Variants in FNDC4 observed in about 807,000 individuals in gnomAD.
FNDC4 encodes the protein fibronectin type III domain containing 4, also known as fibronectin type III domain-containing protein 4.
In FNDC4, 11 loss-of-function variants were observed where a neutral mutation model predicts 25.1. The observed-to-expected ratio is 0.44, with a 90% CI of 0.28 to 0.73. The LOEUF (loss-of-function observed/expected upper bound fraction) is 0.73, where lower values mean the gene tolerates loss of function less well. FNDC4 is among the 30% of genes least tolerant of loss of function. The pLI, the probability that FNDC4 is intolerant of heterozygous loss-of-function variation, is 0.16. For synonymous variants in FNDC4, 136 were observed against 118.8 expected (o/e 1.14, Z -0.94); for missense variants, 250 against 304.3 (o/e 0.82, Z 1.33).
rs758463099 is a variant in FNDC4, at chr2:27,493,985, C to T, written c.399G>A (p.Val133=). 6 of 1,614,130 alleles carry T rather than the reference C, an allele frequency of 3.7e-6. No individual in the cohort carries two copies. The highest frequency in any genetic ancestry group is 2.2e-5 in the South Asian group (2 of 91,094). Residue 133 remains valine (V), a synonymous_variant, in exon 4 of 7, where the codon GTG becomes GTA. Coordinates refer to ENST00000264703, the MANE Select transcript of FNDC4 (RefSeq NM_022823.3). ...LRGESPPGPR[V]HFRTLKGSDR... The stretch of plus-strand genomic sequence containing the variant: ...CAGAACCCTTGAGAGTTCGGAAGTG[C>T]ACCCGGGGCCCTGGGGGACTCTCTC...
chr2:27,494,233 A>T lies in FNDC4; in HGVS notation c.250-99T>A, dbSNP rs528799963. The T allele has an allele frequency of 7.1e-7, 1 of 1,403,932 alleles. No individual in the cohort carries two copies. The highest frequency in any genetic ancestry group is 1.9e-5 in the Admixed American group (1 of 52,444). 87.0% of individuals were successfully genotyped at this position (1,403,932 alleles called of 1,614,324 possible). A position where few individuals can be genotyped will look rare whatever the true frequency, so the allele number is the denominator to read the frequency against. ...CAACATCCAAGCACTCCGGGGGAGT[A>T]GCGTGAAAAGGGCAGCCTGAGCCAG... On this transcript the variant is annotated intron_variant, in intron 3 of 6. Transcript: ENST00000264703. This position sits in a 1 kb window ranked among gnomAD's most constrained non-coding sequence, Gnocchi z 4.6.
chr2:27,492,422 C>T lies in FNDC4; in HGVS notation c.*21G>A. 1.2e-6 allele frequency: 2 copies of T among 1,614,136 alleles called. No individual in the cohort carries two copies. The highest frequency in any genetic ancestry group is 1.7e-6 in the Non-Finnish European group (2 of 1,180,004). ...TATCCCCAGTTGTTAGTGCATCTCT[C>T]TTCTGGGTGTGTTTCTTCACTCAAA... On this transcript the variant is annotated 3_prime_UTR_variant, in exon 7 of 7. Transcript: ENST00000264703. This position sits in a 1 kb window ranked among gnomAD's most constrained non-coding sequence, Gnocchi z 4.1.
Position 27,493,917 on chromosome 2 carries a change from C to T in FNDC4, c.454+13G>A. On this transcript the variant is annotated intron_variant, in intron 4 of 6. Transcript: ENST00000264703. ...GGTAAGCAGCCAGAGAATCCAATAGCACAGATCCTCACCTGGGCTTGAACT... is the reference window on the plus strand; with the variant it reads ...GGTAAGCAGCCAGAGAATCCAATAGTACAGATCCTCACCTGGGCTTGAACT... The T allele has an allele frequency of 1.9e-6, 3 of 1,613,210 alleles. No homozygotes were observed. Among genetic ancestry groups the T allele is most frequent in the Non-Finnish European group, 2.5e-6 (3 of 1,179,132 alleles).
chr2:27,492,546 TC>T lies in FNDC4; in HGVS notation c.670-69del. The T allele has an allele frequency of 6.3e-7, 1 of 1,589,662 alleles. No homozygotes were observed. Among genetic ancestry groups the T allele is most frequent in the Non-Finnish European group, 8.6e-7 (1 of 1,157,844 alleles). On this transcript the variant is annotated intron_variant, in intron 6 of 6. Transcript: ENST00000264703. The surrounding 1 kb of genome is among the most constrained non-coding windows in gnomAD (Gnocchi z 4.1). ...TAGGTGCCACCCTTTCTCTCCAGCC[TC>T]CCCCATCCCAGATCTTCCATTCTCC...
Position 27,494,305 on chromosome 2 carries a change from C to G in FNDC4, c.249+46G>C, listed in dbSNP as rs763367326. ...CCCCCACTTAAGTGAAGAAATGTGC[C>G]GAAATCCAAGGACACAGGTTGGGGG... On this transcript the variant is annotated intron_variant, in intron 3 of 6. Coordinates refer to ENST00000264703, the MANE Select transcript of FNDC4 (RefSeq NM_022823.3). This position sits in a 1 kb window ranked among gnomAD's most constrained non-coding sequence, Gnocchi z 4.6. The G allele has an allele frequency of 7.1e-6, 11 of 1,545,236 alleles. No individual in the cohort carries two copies. In the South Asian group the frequency reaches 9.0e-5, roughly 13 times the overall value.
chr2:27,493,603 G>T, intron 4 of FNDC4, 125 bp from the exon 5 acceptor site: 1 of 852,876 alleles, frequency 1.2e-6, no homozygotes, highest in Non-Finnish European at 1.9e-6. Flanking sequence ...GGAGTGTAGG[G>T]TAGCCCCTCC....
rs1343516509 is a variant in FNDC4, at chr2:27,494,639, C to A, written c.41G>T (p.Arg14Leu). The A allele has an allele frequency of 3.8e-6, 6 of 1,597,448 alleles. No homozygotes were observed. Among genetic ancestry groups the A allele is most frequent in the Non-Finnish European group, 5.1e-6 (6 of 1,173,148 alleles). ...GGGCACCAGCGAAGCCATGTCCCCA[C>A]GGAGTCCGCTGGGGGGGGAACTGTG... ...GCHSSPPSGL[R>L]GDMASLVPLS... The change falls in exon 2 of 7, where the codon CGT becomes CTT. Residue 14 changes from arginine to leucine, a missense_variant. Coordinates refer to ENST00000264703, the MANE Select transcript of FNDC4 (RefSeq NM_022823.3). This position sits in a 1 kb window ranked among gnomAD's most constrained non-coding sequence, Gnocchi z 4.6.
Position 27,494,781 on chromosome 2 carries a change from C to G in FNDC4, c.-24-78G>C, listed in dbSNP as rs1320529928. 40 of 648,854 alleles carry G rather than the reference C, an allele frequency of 6.2e-5. No individual in the cohort carries two copies. The Admixed American group carries it at 1.1e-3, about 18-fold the overall frequency. 40.2% of individuals were successfully genotyped at this position (648,854 alleles called of 1,614,324 possible). ...GTCGGGGGGCAGCAGCTCTCCTGGG[C>G]TCCCCACAGCTCACAACAGCCCTAT... On this transcript the variant is annotated intron_variant, in intron 1 of 6. Coordinates refer to ENST00000264703, the MANE Select transcript of FNDC4 (RefSeq NM_022823.3). This position sits in a 1 kb window ranked among gnomAD's most constrained non-coding sequence, Gnocchi z 4.6.
At position 27,492,361 on chromosome 2, in the gene FNDC4, C is replaced by A. The variant is rs1314837495; in HGVS notation, c.*82G>T. On this transcript the variant is annotated 3_prime_UTR_variant, in exon 7 of 7. Coordinates refer to ENST00000264703, the MANE Select transcript of FNDC4 (RefSeq NM_022823.3). The surrounding 1 kb of genome is among the most constrained non-coding windows in gnomAD (Gnocchi z 4.1). Reference sequence around the variant, plus strand: ...GGCATTACCCTCTGGGAGTCTCGGGCAGATCACCATCTTGGGCTCCCCCTG... The same window carrying A: ...GGCATTACCCTCTGGGAGTCTCGGGAAGATCACCATCTTGGGCTCCCCCTG... 7.7e-6 allele frequency: 12 copies of A among 1,548,592 alleles called. No homozygotes were observed. In the Admixed American group the frequency reaches 2.0e-4, roughly 26 times the overall value.
chr2:27,494,371 C>T lies in FNDC4; in HGVS notation c.229G>A (p.Gly77Ser), dbSNP rs774794833. The T allele has an allele frequency of 6.2e-7, 1 of 1,613,794 alleles. No individual in the cohort carries two copies. The highest frequency in any genetic ancestry group is 1.1e-5 in the South Asian group (1 of 91,076). Residue 77 changes from glycine (G) to serine (S), a missense_variant, in exon 3 of 7, where the codon GGC becomes AGC. Transcript: ENST00000264703. This position sits in a 1 kb window ranked among gnomAD's most constrained non-coding sequence, Gnocchi z 4.6. ...CATACTTGCTGGGAAATGGAGTAGCCAATGACGATGTTGCCTTCTGGGACG... is the reference window on the plus strand; with the variant it reads ...CATACTTGCTGGGAAATGGAGTAGCTAATGACGATGTTGCCTTCTGGGACG... ...WDVPEGNIVI[G>S]YSISQQRQNG...
Position 27,494,012 on chromosome 2 carries a change from C to G in FNDC4, c.372G>C (p.Arg124=). 1 of 1,614,216 alleles carries G rather than the reference C, an allele frequency of 6.2e-7. No individual in the cohort carries two copies. Among genetic ancestry groups the G allele is most frequent in the Non-Finnish European group, 8.5e-7 (1 of 1,180,022 alleles). The change falls in exon 4 of 7, where the codon CGG becomes CGC. Residue 124 remains arginine, a synonymous_variant. Coordinates refer to ENST00000264703, the MANE Select transcript of FNDC4 (RefSeq NM_022823.3). This position sits in a 1 kb window ranked among gnomAD's most constrained non-coding sequence, Gnocchi z 4.6. ...YTVQVRSIGL[R]GESPPGPRVH... is the part of the protein sequence containing the mutation. ...CCCGGGGCCCTGGGGGACTCTCTCC[C>G]CGAAGGCCGATGCTCCTGACCTGCA...
chr2:27,492,871 T>G lies in FNDC4; in HGVS notation c.545-81A>C. 1 of 1,545,952 alleles carries G rather than the reference T, an allele frequency of 6.5e-7. No homozygotes were observed. The highest frequency in any genetic ancestry group is 8.9e-7 in the Non-Finnish European group (1 of 1,126,960). On this transcript the variant is annotated intron_variant, in intron 5 of 6. Transcript: ENST00000264703. This position sits in a 1 kb window ranked among gnomAD's most constrained non-coding sequence, Gnocchi z 4.1. ...ACCTACGTAGCTTCTAGAAAATCCA[T>G]GAAGAACATCCTGAATTCCTGGTGC...
In FNDC4 at chr2:27,492,661, A is replaced by G; in HGVS notation, c.669+5T>C. On this transcript the variant is annotated splice_donor_5th_base_variant and intron_variant, in intron 6 of 6. Coordinates refer to ENST00000264703, the MANE Select transcript of FNDC4 (RefSeq NM_022823.3). The surrounding 1 kb of genome is among the most constrained non-coding windows in gnomAD (Gnocchi z 4.1). ...CCTTTCCGCCCTCACTGGCCCCCAC[A>G]TCACCTGTCTTGTCCCCACTGGCCT... The G allele has an allele frequency of 6.2e-7, 1 of 1,613,584 alleles. No individual in the cohort carries two copies.
At position 27,493,565 on chromosome 2, in the gene FNDC4, A is replaced by G. The variant is rs965670616; in HGVS notation, c.455-87T>C. 5.6e-6 allele frequency: 6 copies of G among 1,079,732 alleles called. No homozygotes were observed. The East Asian group carries it at 1.4e-4, about 26-fold the overall frequency. 66.9% of individuals were successfully genotyped at this position (1,079,732 alleles called of 1,614,324 possible). On this transcript the variant is annotated intron_variant, in intron 4 of 6. Transcript: ENST00000264703. Reference sequence around the variant, plus strand: ...AGGATGGAGATGCTGGGGATTAGAAAGGGTGGACCCATCATAATGTTGCCC... The same window carrying G: ...AGGATGGAGATGCTGGGGATTAGAAGGGGTGGACCCATCATAATGTTGCCC...
rs201333085 is a variant in FNDC4 at position 27,494,159 on chromosome 2, G to A, written c.250-25C>T. Reference sequence around the variant, plus strand: ...GCTGCAGGGAGATGAGGGGAGAGGAGGACAGCCTCACCCCAGTGCCAGGCC... The same window carrying A: ...GCTGCAGGGAGATGAGGGGAGAGGAAGACAGCCTCACCCCAGTGCCAGGCC... On this transcript the variant is annotated intron_variant, in intron 3 of 6. Transcript: ENST00000264703. The surrounding 1 kb of genome is among the most constrained non-coding windows in gnomAD (Gnocchi z 4.6). The A allele has an allele frequency of 3.1e-6, 5 of 1,601,106 alleles. No individual in the cohort carries two copies. The African/African-American group carries it at 5.4e-5, about 17-fold the overall frequency.
Position 27,492,322 on chromosome 2 carries a change from G to C in FNDC4, c.*121C>G. 8.1e-7 allele frequency: 1 copy of C among 1,230,650 alleles called. No homozygotes were observed. Among genetic ancestry groups the C allele is most frequent in the Non-Finnish European group, 1.2e-6 (1 of 833,814 alleles). 76.2% of individuals were successfully genotyped at this position (1,230,650 alleles called of 1,614,324 possible). ...TGGAAAGAGGATGGGTACCAGGCCT[G>C]AGATTGTGGGAGTGGCATTACCCTC... On this transcript the variant is annotated 3_prime_UTR_variant, in exon 7 of 7. Coordinates refer to ENST00000264703, the MANE Select transcript of FNDC4 (RefSeq NM_022823.3). The surrounding 1 kb of genome is among the most constrained non-coding windows in gnomAD (Gnocchi z 4.1).
At position 27,491,993 on chromosome 2, in the gene FNDC4, T is replaced by G; in HGVS notation, c.*450A>C. 1.2e-5 allele frequency: 2 copies of G among 172,928 alleles called. No individual in the cohort carries two copies. Among genetic ancestry groups the G allele is most frequent in the Middle Eastern group, 2.8e-3 (1 of 352 alleles). The allele number at this position is 172,928 out of a possible 1,614,324, so 10.7% of individuals were successfully genotyped here. On this transcript the variant is annotated 3_prime_UTR_variant, in exon 7 of 7. Coordinates refer to ENST00000264703, the MANE Select transcript of FNDC4 (RefSeq NM_022823.3). ...AGCACCTGAGGCTCCATGGAAGACATTGGAGTAGTGCAGTGCAGCATCTGC... is the reference window on the plus strand; with the variant it reads ...AGCACCTGAGGCTCCATGGAAGACAGTGGAGTAGTGCAGTGCAGCATCTGC...
At position 27,493,416 on chromosome 2, in the gene FNDC4, T is replaced by C. The variant is rs1183616130; in HGVS notation, c.517A>G (p.Ile173Val). 1 of 1,613,900 alleles carries C rather than the reference T, an allele frequency of 6.2e-7. No individual in the cohort carries two copies. Among genetic ancestry groups the C allele is most frequent in the Non-Finnish European group, 8.5e-7 (1 of 1,179,854 alleles). ...GCCCACATGAGCAACACCACCACAATGATGACCACTTCCCCAGTCTGCAGT... is the reference window on the plus strand; with the variant it reads ...GCCCACATGAGCAACACCACCACAACGATGACCACTTCCCCAGTCTGCAGT... ...RPLQTGEVVIIVVVLLMWAAV... is the reference protein window; with the variant it reads ...RPLQTGEVVIVVVVLLMWAAV... Residue 173 changes from isoleucine to valine, a missense_variant, in exon 5 of 7, where the codon ATT (isoleucine) becomes GTT (valine). Ile to Val is a conservative substitution (Grantham distance 29). Transcript: ENST00000264703.
intron 4 of FNDC4, 39 bp downstream of exon 4, chr2:27,493,891 A>G (rs779350908): frequency 1.9e-6 from 3 of 1,577,198 alleles, no homozygotes; most frequent in South Asian, 1.1e-5. Flanking sequence ...GCTGCAAGCC[A>G]GGTAAGCAGC....
Sources: allele counts gnomAD v4.1 joint callset, GRCh38; gene constraint gnomAD v4.1.1; non-coding constraint Gnocchi (gnomAD v3.1); transcripts MANE v1.5; gene names NCBI Gene and HGNC (gene_info 2026-07-23, HGNC 2026-07-21).